Variants in FGF13 observed in about 807,000 individuals in gnomAD.
The protein encoded by FGF13 is fibroblast growth factor homologous factor 2.
In FGF13, 2 loss-of-function variants were observed where a neutral mutation model predicts 19.5. The ratio of observed to expected loss-of-function variants is 0.10; its 90% CI spans 0.04 to 0.32. The LOEUF (loss-of-function observed/expected upper bound fraction) is 0.32. Among genes scored for constraint, FGF13 ranks in the 10% least tolerant of loss-of-function variants. The probability of loss-of-function intolerance (pLI) is 1.00; values close to 1 mark genes in which losing one functional copy is unlikely to be tolerated. For synonymous variants in FGF13, 72 were observed against 76.9 expected, an observed-to-expected ratio of 0.94 and a Z score of 0.33; for missense variants, 113 against 192.7, an observed-to-expected ratio of 0.59 and a Z score of 2.45.
At chrX:138,797,295 C>T (rs776585872) in intron 3 of FGF13, among the ~76,000 whole-genome samples, 29 of 111,365 alleles carry the variant, frequency 2.6e-4, no homozygotes, top group Admixed American at 9.6e-4. Context: ...TTTCCCAACG[C>T]CATTTATTAA....
chrX:138,828,382 C>T (rs2091048253), intron 3 of FGF13, among the ~76,000 whole-genome samples: 1 of 109,879 alleles, frequency 9.1e-6, no homozygotes, highest in South Asian at 4.0e-4. Context: ...TCCTGGCTAA[C>T]ACGGTGAAAC....
intron 3 of FGF13, among the ~76,000 whole-genome samples, chrX:138,832,128 G>T (rs1160499680): frequency 8.9e-6 from 1 of 112,127 alleles, no homozygotes; most frequent in Non-Finnish European, 1.9e-5. Flanking sequence ...ACATACACAT[G>T]AATGTGTCTT....
rs1480835239 is a variant in FGF13, at chrX:138,617,917, TG to T, written c.*14932del. ...GCGATTGTGCCACTGTAATCCATCC[TG>T]GGTGACAGAGTGAGACCTCAACCCC... On this transcript the variant is annotated 3_prime_UTR_variant, in exon 5 of 5. Coordinates refer to ENST00000315930, the MANE Select transcript of FGF13 (RefSeq NM_004114.5). The T allele has an allele frequency of 9.0e-6, 1 of 111,100 alleles. No individual in the cohort carries two copies. The highest frequency in any genetic ancestry group is 1.9e-5 in the Non-Finnish European group (1 of 53,021). The allele number at this position is 111,100 out of a possible 1,213,427, so 9.2% of individuals were successfully genotyped here. A position where few individuals can be genotyped will look rare whatever the true frequency, so the allele number is the denominator to read the frequency against.
chrX:139,036,906 G>A (rs2092252453), intron 1 of FGF13, among the ~76,000 whole-genome samples: 1 of 110,861 alleles, frequency 9.0e-6, no homozygotes, highest in African/African-American at 3.3e-5. Context: ...ACCTCCCACT[G>A]GGTCCCTCCC....
intron 1 of FGF13, among the ~76,000 whole-genome samples, chrX:139,046,971 T>A (rs2092289568): frequency 8.9e-6 from 1 of 111,861 alleles, no homozygotes; most frequent in South Asian, 3.7e-4. Flanking sequence ...ATAACTGGTC[T>A]GTCCTCAAAA....
chrX:139,000,024 G>A (rs2092064995), intron 1 of FGF13, among the ~76,000 whole-genome samples: 1 of 111,944 alleles, frequency 8.9e-6, no homozygotes, highest in Non-Finnish European at 1.9e-5. Context: ...TGCAAGGCTG[G>A]TTCAACATAC....
chrX:138,948,331 G>A (rs745939259), intron 1 of FGF13, among the ~76,000 whole-genome samples: 2 of 111,808 alleles, frequency 1.8e-5, no homozygotes, highest in Non-Finnish European at 3.8e-5. Flanking sequence ...AAAGATTGGT[G>A]GGCATAGAGC....
At chrX:138,810,812 G>A (rs1245162858) in intron 3 of FGF13, among the ~76,000 whole-genome samples, 3 of 112,274 alleles carry the variant, frequency 2.7e-5, no homozygotes, top group Non-Finnish European at 1.9e-5. Flanking sequence ...CTCAGAAGAA[G>A]ACACTTATGC....
chrX:139,018,157 T>A (rs184539367), intron 1 of FGF13, among the ~76,000 whole-genome samples: 1 of 111,792 alleles, frequency 8.9e-6, no homozygotes, highest in East Asian at 2.8e-4. Context: ...GAACCTCTTA[T>A]AAAATGGAGA....
chrX:138,959,031 C>T (rs1603070281), intron 1 of FGF13, among the ~76,000 whole-genome samples: 1 of 111,849 alleles, frequency 8.9e-6, no homozygotes, highest in East Asian at 2.8e-4. Context: ...TTCAGTTCTG[C>T]TCTGATCTTA....
At chrX:138,858,589 C>A (rs993873402) in intron 2 of FGF13, among the ~76,000 whole-genome samples, 2 of 111,187 alleles carry the variant, frequency 1.8e-5, no homozygotes, top group Non-Finnish European at 3.8e-5. Flanking sequence ...ACACCCTTCC[C>A]AATGAGGCCA....
chrX:138,805,563 C>A (rs1164055213), intron 3 of FGF13, among the ~76,000 whole-genome samples: 1 of 111,451 alleles, frequency 9.0e-6, no homozygotes, highest in Non-Finnish European at 1.9e-5. Context: ...TCTAATCAAT[C>A]ATCTGCTAAG....
chrX:139,140,074 G>A (rs911980234), intron 1 of FGF13, among the ~76,000 whole-genome samples: 4 of 110,808 alleles, frequency 3.6e-5, no homozygotes, highest in African/African-American at 6.6e-5. Flanking sequence ...CATAATCCAG[G>A]ACTTCATTTC....
At chrX:138,914,636 CTTTTTTT>C (rs34940979) in intron 1 of FGF13, among the ~76,000 whole-genome samples, 1 of 76,988 alleles carries the variant, frequency 1.3e-5, no homozygotes, top group Non-Finnish European at 2.4e-5. Flanking sequence ...TTGTGTTGGA[CTTTTTTT>C]TTTTTTTTTT....
At chrX:138,767,009 G>A (rs755980195) in intron 3 of FGF13, among the ~76,000 whole-genome samples, 2 of 111,975 alleles carry the variant, frequency 1.8e-5, no homozygotes, top group Non-Finnish European at 3.8e-5. Flanking sequence ...AAGCTCACCA[G>A]AGCATCCATG....
chrX:138,656,215 C>T (rs2089435941), intron 3 of FGF13, among the ~76,000 whole-genome samples: 1 of 111,531 alleles, frequency 9.0e-6, no homozygotes, highest in Non-Finnish European at 1.9e-5. Flanking sequence ...GAAGGAGCTG[C>T]TGTTTAGTAA....
chrX:138,879,815 C>G (rs780208615), intron 1 of FGF13, among the ~76,000 whole-genome samples: 1 of 111,484 alleles, frequency 9.0e-6, no homozygotes, highest in African/African-American at 3.3e-5. Context: ...GGCAGCAAAG[C>G]CCAAATTGAC....
intron 1 of FGF13, among the ~76,000 whole-genome samples, chrX:138,732,673 C>T (rs894534494): frequency 1.3e-4 from 14 of 110,592 alleles, no homozygotes; most frequent in Admixed American, 4.8e-4. Context: ...ATAAATTGCA[C>T]GAGTATGTGT....
intron 1 of FGF13, among the ~76,000 whole-genome samples, chrX:138,958,237 G>C (rs183469501): frequency 2.7e-5 from 3 of 111,785 alleles, no homozygotes; most frequent in African/African-American, 6.5e-5. Context: ...TAGCAGGAAG[G>C]GCTGTTGAAT....
Sources: allele counts gnomAD v4.1 joint callset (sites outside exome capture counted in the v4.1 genomes callset), GRCh38; gene constraint gnomAD v4.1.1; transcripts MANE v1.5; gene names NCBI Gene and HGNC (gene_info 2026-07-23, HGNC 2026-07-21).